UNC13C: variants seen among roughly 807,000 people sequenced by gnomAD.
UNC13C encodes the protein unc-13 homolog C.
UNC13C carries 174 observed loss-of-function variants against 245.4 expected under a neutral mutation model. The observed-to-expected ratio is 0.71, with a 90% confidence interval of 0.63 to 0.80. The LOEUF is 0.80. Among genes scored for constraint, UNC13C ranks in the 30% least tolerant of loss-of-function variants. The probability of loss-of-function intolerance (pLI) is 0.00; values close to 1 mark genes in which losing one functional copy is unlikely to be tolerated. For synonymous variants in UNC13C, 992 were observed against 895.1 expected, an observed-to-expected ratio of 1.11 and a Z score of -1.93; for missense variants, 2,829 against 2,602.9, an observed-to-expected ratio of 1.09 and a Z score of -1.89.
At chr15:54,259,839 C>A (rs1019431758) in intron 8 of UNC13C, among the ~76,000 whole-genome samples, 2 of 152,206 alleles carry the variant, frequency 1.3e-5, no homozygotes, top group South Asian at 4.2e-4. Flanking sequence ...CAAAGAATTG[C>A]AAATCCAAAC....
chr15:54,468,516 G>T (rs974772949), intron 19 of UNC13C, among the ~76,000 whole-genome samples: 1 of 151,402 alleles, frequency 6.6e-6, no homozygotes, highest in Non-Finnish European at 1.5e-5. Context: ...CCAAGAAATC[G>T]CTGCCCTGAT....
intron 30 of UNC13C, among the ~76,000 whole-genome samples, chr15:54,587,516 C>T (rs1424615809): frequency 6.6e-6 from 1 of 152,232 alleles, no homozygotes; most frequent in African/African-American, 2.4e-5. Flanking sequence ...AGTCGTATAA[C>T]TTCCACATAT....
chr15:54,206,030 C>G (rs1279497509), intron 4 of UNC13C, among the ~76,000 whole-genome samples: 1 of 151,912 alleles, frequency 6.6e-6, no homozygotes, highest in Non-Finnish European at 1.5e-5. Flanking sequence ...AGGATTTCCT[C>G]TCTTTAAAAA....
chr15:54,606,841 T>C (rs1385989371), intron 30 of UNC13C, among the ~76,000 whole-genome samples: 3 of 152,156 alleles, frequency 2.0e-5, no homozygotes, highest in Non-Finnish European at 2.9e-5. Flanking sequence ...GCGTTAGCCA[T>C]AGGAATTACA....
intron 1 of UNC13C, among the ~76,000 whole-genome samples, chr15:54,003,818 C>G (rs1396366308): frequency 1.3e-5 from 2 of 152,120 alleles, no homozygotes; most frequent in African/African-American, 2.4e-5. Context: ...CGAGACCATC[C>G]TGGCTAACAT....
intron 8 of UNC13C, among the ~76,000 whole-genome samples, chr15:54,261,625 C>T (rs2036427708): frequency 6.6e-6 from 1 of 152,210 alleles, no homozygotes; most frequent in Non-Finnish European, 1.5e-5. Flanking sequence ...TCACTGCAAG[C>T]TCCGCCTCCC....
At chr15:54,468,663 T>C (rs776820548) in intron 19 of UNC13C, among the ~76,000 whole-genome samples, 5 of 151,786 alleles carry the variant, frequency 3.3e-5, no homozygotes, top group Admixed American at 1.3e-4. Context: ...TTCTTTTGCA[T>C]GTGGCTATCC....
At chr15:54,216,782 G>A (rs1197428963) in intron 4 of UNC13C, among the ~76,000 whole-genome samples, 7 of 151,892 alleles carry the variant, frequency 4.6e-5, no homozygotes, top group Non-Finnish European at 8.8e-5. Context: ...CCTCACAAGC[G>A]TGAACATTGT....
At chr15:53,908,591 A>G in the UNC13C span, among the ~76,000 whole-genome samples, 1 of 141,160 alleles carries the variant, frequency 7.1e-6, no homozygotes, top group South Asian at 2.4e-4. Flanking sequence ...ACAAACAAAC[A>G]AACACAAAAC....
intron 4 of UNC13C, among the ~76,000 whole-genome samples, chr15:54,156,147 T>G (rs551569678): frequency 2.6e-5 from 4 of 152,212 alleles, no homozygotes; most frequent in Non-Finnish European, 5.9e-5. Context: ...CAAGATTGTA[T>G]GATTTTCATT....
chr15:54,494,521 G>A, intron 19 of UNC13C, 87 bp from the exon 20 acceptor site: 1 of 1,275,732 alleles, frequency 7.8e-7, no homozygotes, highest in Non-Finnish European at 1.0e-6. Context: ...CTTCCTTTTA[G>A]AAATTCTATT....
At chr15:54,442,172 C>T (rs1334285331) in intron 19 of UNC13C, among the ~76,000 whole-genome samples, 1 of 151,006 alleles carries the variant, frequency 6.6e-6, no homozygotes, top group African/African-American at 2.4e-5. Context: ...CTTTTTCTTG[C>T]CTGATTGCTC....
At chr15:54,084,569 C>A (rs1233369300) in intron 2 of UNC13C, among the ~76,000 whole-genome samples, 3 of 152,096 alleles carry the variant, frequency 2.0e-5, no homozygotes, top group South Asian at 2.1e-4. Flanking sequence ...GGTATGTATC[C>A]TTTAATGGGT....
chr15:54,453,203 G>A (rs1223664061), intron 19 of UNC13C, among the ~76,000 whole-genome samples: 1 of 152,156 alleles, frequency 6.6e-6, no homozygotes, highest in Admixed American at 6.5e-5. Context: ...TAGGATTGGA[G>A]GGGTCCATGG....
At chr15:54,418,591 C>A (rs1477469199) in intron 19 of UNC13C, among the ~76,000 whole-genome samples, 1 of 152,092 alleles carries the variant, frequency 6.6e-6, no homozygotes, top group Non-Finnish European at 1.5e-5. Context: ...TTGGGGCATC[C>A]TGGTTATCCC....
intron 4 of UNC13C, among the ~76,000 whole-genome samples, chr15:54,201,769 AC>A (rs1194880711): frequency 6.6e-6 from 1 of 151,936 alleles, no homozygotes; most frequent in East Asian, 1.9e-4. Flanking sequence ...AAGAATGCTC[AC>A]CCTCACTACT....
intron 4 of UNC13C, among the ~76,000 whole-genome samples, chr15:54,175,695 T>C (rs1595950574): frequency 6.6e-6 from 1 of 151,954 alleles, no homozygotes; most frequent in Non-Finnish European, 1.5e-5. Flanking sequence ...GTATTTTTAA[T>C]AGAGACGGGG....
chr15:53,872,131 G>T, the UNC13C span, among the ~76,000 whole-genome samples: 15 of 152,146 alleles, frequency 9.9e-5, no homozygotes, highest in African/African-American at 3.6e-4. Flanking sequence ...AGAGCCATGA[G>T]CCTTCCTTAC....
At chr15:53,948,262 G>T in the UNC13C span, 5 of 152,190 alleles carry the variant, frequency 3.3e-5, no homozygotes, top group Non-Finnish European at 7.3e-5. Flanking sequence ...TTCTTGTGGA[G>T]ATTAAATATG....
Sources: allele counts gnomAD v4.1 joint callset (sites outside exome capture counted in the v4.1 genomes callset), GRCh38; gene constraint gnomAD v4.1.1; transcripts MANE v1.5; gene names NCBI Gene and HGNC (gene_info 2026-07-23, HGNC 2026-07-21).